The following CRPPA variants were observed in gnomAD, a reference collection of about 807,000 sequenced individuals.
CRPPA encodes the protein D-ribitol-5-phosphate cytidylyltransferase.
Under a neutral mutation model 52.0 loss-of-function variants are expected in CRPPA, and 43 were observed. That is an observed-to-expected ratio of 0.83 (90% CI 0.65 to 1.07). The LOEUF (loss-of-function observed/expected upper bound fraction) is 1.07. CRPPA is among the 50% of genes least tolerant of loss of function. CRPPA has a pLI of 0.00. For missense variants in CRPPA, 629 were observed against 551.7 expected, an observed-to-expected ratio of 1.14 and a Z score of -1.40; for synonymous variants, 250 against 203.5, an observed-to-expected ratio of 1.23 and a Z score of -1.94.
chr7:16,288,044 G>C (rs182630364), intron 5 of CRPPA, among the ~76,000 whole-genome samples: 1 of 152,252 alleles, frequency 6.6e-6, no homozygotes, highest in East Asian at 1.9e-4. Flanking sequence ...AAGGCAAGGA[G>C]AGAGGCTTTA....
At chr7:16,377,025 C>G (rs1337006164) in intron 2 of CRPPA, among the ~76,000 whole-genome samples, 1 of 152,182 alleles carries the variant, frequency 6.6e-6, no homozygotes, top group African/African-American at 2.4e-5. Context: ...AACATCCTTT[C>G]TTCCACACAA....
At chr7:16,299,815 C>A (rs1275149546) in intron 5 of CRPPA, among the ~76,000 whole-genome samples, 4 of 152,244 alleles carry the variant, frequency 2.6e-5, no homozygotes, top group African/African-American at 9.6e-5. Context: ...ATAGCCCCTG[C>A]AATAACACTT....
chr7:16,241,240 C>A (rs1445315220), intron 8 of CRPPA, among the ~76,000 whole-genome samples: 1 of 151,962 alleles, frequency 6.6e-6, no homozygotes, highest in African/African-American at 2.4e-5. Context: ...TAAATATTTT[C>A]AAGTATTTTA....
intron 3 of CRPPA, among the ~76,000 whole-genome samples, chr7:16,352,313 T>C (rs1352634731): frequency 3.3e-5 from 5 of 151,816 alleles, no homozygotes; most frequent in South Asian, 4.2e-4. Flanking sequence ...AAAACTTAGA[T>C]GGCGGGTTGA....
chr7:16,205,774 G>A (rs537271547), intron 9 of CRPPA, among the ~76,000 whole-genome samples: 1 of 148,286 alleles, frequency 6.7e-6, no homozygotes, highest in Admixed American at 6.8e-5. Context: ...GCTAATGCTG[G>A]ACTTTTTTAA....
intron 8 of CRPPA, 140 bp from the exon 9 acceptor site, chr7:16,216,337 G>C: frequency 1.8e-6 from 1 of 546,466 alleles, no homozygotes; most frequent in Non-Finnish European, 3.2e-6. Context: ...CTCTAGTTAT[G>C]CTTCAAGCCA....
chr7:16,328,642 G>C (rs1416025481), intron 3 of CRPPA, among the ~76,000 whole-genome samples: 1 of 152,030 alleles, frequency 6.6e-6, no homozygotes, highest in Non-Finnish European at 1.5e-5. Flanking sequence ...AGCCTCCCAA[G>C]TAGCTGGGAT....
intron 3 of CRPPA, among the ~76,000 whole-genome samples, chr7:16,341,086 G>A (rs932678517): frequency 1.3e-5 from 2 of 152,128 alleles, no homozygotes; most frequent in African/African-American, 4.8e-5. Flanking sequence ...GTTGTTAGAT[G>A]TTGGGGGAGA....
intron 9 of CRPPA, among the ~76,000 whole-genome samples, chr7:16,106,972 C>T (rs1782165222): frequency 6.6e-6 from 1 of 151,966 alleles, no homozygotes; most frequent in South Asian, 2.1e-4. Flanking sequence ...ATAAAAAATA[C>T]AGTGACTGAT....
chr7:16,408,574 G>A (rs1008247232), intron 1 of CRPPA, among the ~76,000 whole-genome samples: 7 of 152,202 alleles, frequency 4.6e-5, no homozygotes, highest in South Asian at 2.1e-4. Flanking sequence ...CTTTAAGCAG[G>A]TGAGTGCAGT....
At chr7:16,110,294 G>A (rs895344526) in intron 9 of CRPPA, among the ~76,000 whole-genome samples, 2 of 151,918 alleles carry the variant, frequency 1.3e-5, no homozygotes, top group Admixed American at 1.3e-4. Context: ...TATATAGAAA[G>A]ATATCTCATG....
intron 1 of CRPPA, among the ~76,000 whole-genome samples, chr7:16,410,455 G>T (rs1583588782): frequency 6.6e-6 from 1 of 152,104 alleles, no homozygotes; most frequent in Non-Finnish European, 1.5e-5. Context: ...TTAAATGTGG[G>T]ATTTCCCAAG....
chr7:16,326,041 T>C (rs547797365), intron 3 of CRPPA, among the ~76,000 whole-genome samples: 16 of 140,462 alleles, frequency 1.1e-4, no homozygotes, highest in Admixed American at 3.6e-4. Context: ...TATGTAAATA[T>C]GCTTTAAGTA....
intron 3 of CRPPA, among the ~76,000 whole-genome samples, chr7:16,366,444 C>A (rs768444990): frequency 3.9e-5 from 6 of 152,162 alleles, no homozygotes; most frequent in Non-Finnish European, 8.8e-5. Context: ...TTAAAAGCTA[C>A]AGAAGATGTG....
rs80073042 is a variant in CRPPA, at chr7:16,400,894, C to T, written c.534+5167G>A. ...GATACAACTGCTAAATGAAGAGACA[C>T]AGGGTGAGGTCTGGGGGAATCCTAA... On this transcript the variant is annotated intron_variant, in intron 2 of 9. Coordinates refer to ENST00000407010, the MANE Select transcript of CRPPA (RefSeq NM_001101426.4). Among the ~76,000 whole-genome samples the T allele has an allele frequency of 9.4e-3, 1,432 of 152,326 alleles. 30 individuals are homozygous for T. Among genetic ancestry groups the T allele is most frequent in the African/African-American group, 0.033 (1,378 of 41,578 alleles).
At chr7:16,109,379 A>G (rs1782216174) in intron 9 of CRPPA, among the ~76,000 whole-genome samples, 1 of 151,958 alleles carries the variant, frequency 6.6e-6, no homozygotes, top group African/African-American at 2.4e-5. Flanking sequence ...AAAATAAGAA[A>G]AGACCAATAA....
intron 9 of CRPPA, among the ~76,000 whole-genome samples, chr7:16,175,349 T>G (rs1452556772): frequency 3.9e-5 from 6 of 152,170 alleles, no homozygotes; most frequent in African/African-American, 1.4e-4. Flanking sequence ...TACTGTTTGT[T>G]TCAGTTAAAG....
chr7:16,241,764 T>G (rs1360188779), intron 8 of CRPPA, among the ~76,000 whole-genome samples: 1 of 152,068 alleles, frequency 6.6e-6, no homozygotes, highest in East Asian at 1.9e-4. Context: ...GGGAAGGTAT[T>G]ATTTGTGGTT....
chr7:16,399,417 TG>T (rs1787729634), intron 2 of CRPPA, among the ~76,000 whole-genome samples: 1 of 43,294 alleles, frequency 2.3e-5, no homozygotes, highest in African/African-American at 1.8e-4. Flanking sequence ...CTTTGTGACA[TG>T]TGACAAGTGA....
Sources: gnomAD v4.1 joint callset for allele counts (sites outside exome capture counted in the v4.1 genomes callset) on GRCh38, gnomAD v4.1.1 for gene constraint, MANE v1.5 for transcripts, NCBI Gene and HGNC (gene_info 2026-07-23, HGNC 2026-07-21) for gene names.